Variants in REPS1 observed in about 807,000 individuals in gnomAD.
The protein encoded by REPS1 is ralBP1-associated Eps domain-containing protein 1.
Under a neutral mutation model 100.9 loss-of-function variants are expected in REPS1, and 39 were observed. The observed-to-expected ratio is 0.39, with a 90% confidence interval of 0.30 to 0.50. The LOEUF is 0.50. Among genes scored for constraint, REPS1 ranks in the 20% least tolerant of loss-of-function variants. The pLI is 0.86. For missense variants in REPS1, 821 were observed against 968.5 expected (o/e 0.85, Z 2.02); for synonymous variants, 324 against 340.3 (o/e 0.95, Z 0.53).
intron 1 of REPS1, among the ~76,000 whole-genome samples, chr6:138,950,621 T>A (rs1782955797): frequency 6.6e-6 from 1 of 152,246 alleles, no homozygotes; most frequent in Admixed American, 6.5e-5. Flanking sequence ...GTCCTGGAGC[T>A]GTAACCCAGT....
intron 9 of REPS1, chr6:138,928,464 TG>T (rs567520859): frequency 3.7e-4 from 57 of 152,166 alleles, no homozygotes; most frequent in African/African-American, 1.3e-3. Context: ...TCAAAATCAA[TG>T]ATTTATTAAC....
chr6:138,929,450 C>T (rs1781350593), intron 9 of REPS1: 1 of 152,310 alleles, frequency 6.6e-6, no homozygotes, highest in Admixed American at 6.5e-5. Context: ...GTTAATATGG[C>T]TAAACATTCT....
chr6:138,932,359 T>C (rs1332154753), intron 8 of REPS1, among the ~76,000 whole-genome samples: 3 of 152,204 alleles, frequency 2.0e-5, no homozygotes, highest in Admixed American at 2.0e-4. Flanking sequence ...AAAACTATTC[T>C]TGTAATAATG....
intron 1 of REPS1, among the ~76,000 whole-genome samples, chr6:138,965,044 T>C (rs571887502): frequency 2.2e-4 from 34 of 152,254 alleles, no homozygotes; most frequent in Non-Finnish European, 4.0e-4. Context: ...TTAAAGAGAT[T>C]CTCCTTAGCA....
At chr6:138,932,752 G>A (rs1022781978) in intron 8 of REPS1, among the ~76,000 whole-genome samples, 3 of 152,090 alleles carry the variant, frequency 2.0e-5, no homozygotes, top group Non-Finnish European at 4.4e-5. Flanking sequence ...ATAATAATTC[G>A]GACTTGGGTA....
chr6:138,920,062 A>T (rs1159902920), intron 12 of REPS1, among the ~76,000 whole-genome samples, 153 bp downstream of exon 12: 1 of 152,206 alleles, frequency 6.6e-6, no homozygotes, highest in Non-Finnish European at 1.5e-5. Flanking sequence ...ATGGGCAACC[A>T]TTTATTCACT....
At chr6:138,958,600 G>C (rs1783546857) in intron 1 of REPS1, among the ~76,000 whole-genome samples, 1 of 152,084 alleles carries the variant, frequency 6.6e-6, no homozygotes, top group Non-Finnish European at 1.5e-5. Flanking sequence ...AAAGCATATA[G>C]ATTTTTGACA....
chr6:138,979,845 A>G (rs1243618348), intron 1 of REPS1, among the ~76,000 whole-genome samples: 1 of 152,168 alleles, frequency 6.6e-6, no homozygotes, highest in South Asian at 2.1e-4. Flanking sequence ...CTTTTCTTCA[A>G]TTATTTCATT....
At chr6:138,911,744 G>T (rs892106638) in intron 16 of REPS1, among the ~76,000 whole-genome samples, 2 of 151,422 alleles carry the variant, frequency 1.3e-5, no homozygotes, top group African/African-American at 4.9e-5. Context: ...GGTAGTAGAT[G>T]TGTGAGGGAG....
At chr6:138,948,283 G>A (rs541875574) in intron 1 of REPS1, among the ~76,000 whole-genome samples, 1 of 152,274 alleles carries the variant, frequency 6.6e-6, no homozygotes, top group East Asian at 1.9e-4. Context: ...TAAAGTGACG[G>A]TCTTTAAATG....
At chr6:138,934,613 C>T (rs987049394) in intron 8 of REPS1, among the ~76,000 whole-genome samples, 2 of 152,172 alleles carry the variant, frequency 1.3e-5, no homozygotes, top group Non-Finnish European at 2.9e-5. Context: ...AGCTTTGTAA[C>T]CTACACATCC....
intron 1 of REPS1, among the ~76,000 whole-genome samples, chr6:138,987,283 G>T (rs1317158508): frequency 6.6e-6 from 1 of 152,198 alleles, no homozygotes; most frequent in Non-Finnish European, 1.5e-5. Context: ...TCTCAGGGTC[G>T]TGGGGGATAC....
At chr6:138,967,120 T>A (rs960247988) in intron 1 of REPS1, among the ~76,000 whole-genome samples, 4 of 152,268 alleles carry the variant, frequency 2.6e-5, no homozygotes, top group African/African-American at 9.6e-5. Context: ...GCGCATGCAA[T>A]TGTGCTCTCT....
chr6:138,905,141 G>A lies in REPS1; in HGVS notation c.2323-9C>T, dbSNP rs376671032. On this transcript the variant is annotated splice_polypyrimidine_tract_variant and intron_variant, in intron 19 of 19. Coordinates refer to ENST00000450536, the MANE Select transcript of REPS1 (RefSeq NM_001286611.2). ...CTCTCCTCAAGAACATCCTGAAAAA[G>A]ATGCAAAGGCCAAGTTATGTTTCAA... 1.2e-5 allele frequency: 19 copies of A among 1,561,904 alleles called. No homozygotes were observed. Among genetic ancestry groups the A allele is most frequent in the Non-Finnish European group, 1.7e-5 (19 of 1,132,980 alleles).
chr6:138,980,549 A>AC (rs71813151), intron 1 of REPS1, among the ~76,000 whole-genome samples: 22,491 of 150,648 alleles, frequency 0.15, 1,766 homozygotes, highest in African/African-American at 0.18. Flanking sequence ...CCCTCCCCTG[A>AC]CCCCCCATCC....
chr6:138,917,840 T>C (rs996294306), intron 12 of REPS1, among the ~76,000 whole-genome samples: 2 of 152,140 alleles, frequency 1.3e-5, no homozygotes, highest in African/African-American at 4.8e-5. Flanking sequence ...CAAGTTATAG[T>C]CTAGAAAAAA....
intron 1 of REPS1, among the ~76,000 whole-genome samples, chr6:138,948,765 C>T (rs1782802288): frequency 1.3e-5 from 2 of 152,082 alleles, no homozygotes; most frequent in African/African-American, 4.8e-5. Context: ...TCTATTTTTC[C>T]ATAACACTCA....
chr6:138,960,876 G>C (rs1214959015), intron 1 of REPS1, among the ~76,000 whole-genome samples: 2 of 152,110 alleles, frequency 1.3e-5, no homozygotes, highest in African/African-American at 4.8e-5. Context: ...CACCAGAAAA[G>C]TCATTAAGTA....
chr6:138,950,998 A>C (rs1006899620), intron 1 of REPS1: 1 of 152,188 alleles, frequency 6.6e-6, no homozygotes, highest in Non-Finnish European at 1.5e-5. Flanking sequence ...GGCCGGCCTG[A>C]CCAACATGAA....
Sources: gnomAD v4.1 joint callset for allele counts (sites outside exome capture counted in the v4.1 genomes callset) on GRCh38, gnomAD v4.1.1 for gene constraint, MANE v1.5 for transcripts, NCBI Gene and HGNC (gene_info 2026-07-23, HGNC 2026-07-21) for gene names.